The following WDR49 variants were observed in gnomAD, a reference collection of about 807,000 sequenced individuals.
WDR49 encodes WD repeat domain 49.
A neutral mutation model predicts 119.5 loss-of-function variants in WDR49; 107 were observed. That is an observed-to-expected ratio of 0.90 (90% CI 0.77 to 1.05). The LOEUF is 1.05. WDR49 is among the 50% of genes least tolerant of loss of function. The pLI is 0.00. For missense variants in WDR49, 1,240 were observed against 1,220.5 expected, an observed-to-expected ratio of 1.02 and a Z score of -0.24; for synonymous variants, 425 against 418.8, an observed-to-expected ratio of 1.01 and a Z score of -0.18.
At chr3:167,556,020 G>A (rs1712903708) in intron 9 of WDR49, among the ~76,000 whole-genome samples, 1 of 152,128 alleles carries the variant, frequency 6.6e-6, no homozygotes, top group Non-Finnish European at 1.5e-5. Flanking sequence ...TCTAAACATA[G>A]AAAAGGTACA....
chr3:167,536,692 TATATATATATATACAC>T (rs1753042345), intron 11 of WDR49, among the ~76,000 whole-genome samples, 162 bp downstream of exon 11: 2 of 118,098 alleles, frequency 1.7e-5, no homozygotes, highest in South Asian at 5.1e-4. Flanking sequence ...AATACATATA[TATATATATATATACAC>T]ACACATATAT....
Position 167,478,858 on chromosome 3 carries a change from T to G in WDR49, c.*20A>C, listed in dbSNP as rs1750578567. 6.7e-7 allele frequency: 1 copy of G among 1,499,664 alleles called. No homozygotes were observed. Among genetic ancestry groups the G allele is most frequent in the Non-Finnish European group, 9.2e-7 (1 of 1,090,026 alleles). The allele number at this position is 1,499,664 out of a possible 1,614,324, so 92.9% of individuals were successfully genotyped here. A position where few individuals can be genotyped will look rare whatever the true frequency, so the allele number is the denominator to read the frequency against. ...TTTATATCTGTACCTTATGTAACAGTGAAGGTTTTTCTGTTGTAATTACTT... is the reference window on the plus strand; with the variant it reads ...TTTATATCTGTACCTTATGTAACAGGGAAGGTTTTTCTGTTGTAATTACTT... On this transcript the variant is annotated 3_prime_UTR_variant, in exon 19 of 19. Coordinates refer to ENST00000682715, the MANE Select transcript of WDR49 (RefSeq NM_001366157.1).
intron 18 of WDR49, among the ~76,000 whole-genome samples, chr3:167,484,340 A>C (rs1750841945): frequency 6.6e-6 from 1 of 152,096 alleles, no homozygotes; most frequent in Non-Finnish European, 1.5e-5. Context: ...AGATATACCT[A>C]ATGTAAATGA....
intron 16 of WDR49, among the ~76,000 whole-genome samples, chr3:167,516,270 C>T (rs2108225668): frequency 1.6e-5 from 2 of 127,530 alleles, no homozygotes; most frequent in South Asian, 6.0e-4. Flanking sequence ...CCACAACAGG[C>T]CCCAGTGTGT....
At chr3:167,640,739 T>C (rs1394634820) in intron 2 of WDR49, among the ~76,000 whole-genome samples, 3 of 151,866 alleles carry the variant, frequency 2.0e-5, no homozygotes, top group Non-Finnish European at 4.4e-5. Context: ...ATTTGGTATT[T>C]GTTTTTATTG....
chr3:167,512,249 A>C (rs1017981380), intron 16 of WDR49, among the ~76,000 whole-genome samples: 3 of 152,276 alleles, frequency 2.0e-5, no homozygotes, highest in Non-Finnish European at 4.4e-5. Context: ...TCCCAGGGGA[A>C]GGAGCAGGCA....
rs1716875733 is a variant in WDR49, at chr3:167,621,616, C to CCT, written c.632_633dup (p.Val212ArgfsTer22). ...TTGGACAGCAGATCATAGAAACAAA[C>CCT]CTCTTTACTTGTAAAAGCCACTGCT... On this transcript the variant is annotated frameshift_variant, in exon 4 of 19. Transcript: ENST00000682715. LOFTEE classifies it high-confidence loss of function. 1 of 1,533,508 alleles carries CCT rather than the reference C, an allele frequency of 6.5e-7. No homozygotes were observed. The allele number at this position is 1,533,508 out of a possible 1,614,324, so 95.0% of individuals were successfully genotyped here. A position where few individuals can be genotyped will look rare whatever the true frequency, so the allele number is the denominator to read the frequency against.
intron 3 of WDR49, among the ~76,000 whole-genome samples, chr3:167,622,559 C>T (rs895036803): frequency 3.3e-5 from 5 of 151,996 alleles, no homozygotes; most frequent in African/African-American, 7.2e-5. Flanking sequence ...AATACAGCCC[C>T]GTAATACAGA....
intron 2 of WDR49, 36 bp downstream of exon 2, chr3:167,653,225 A>T (rs977228396): frequency 6.7e-5 from 103 of 1,535,016 alleles, no homozygotes; most frequent in Non-Finnish European, 8.6e-5. Context: ...CTTCATGAAC[A>T]ACTCAAACTA....
intron 15 of WDR49, 23 bp from the exon 16 acceptor site, chr3:167,522,507 T>A: frequency 1.9e-6 from 3 of 1,578,094 alleles, no homozygotes; most frequent in Non-Finnish European, 2.6e-6. Context: ...AAAACATCTG[T>A]TTTATTTTTA....
At chr3:167,542,780 A>G (rs1055833157) in intron 10 of WDR49, among the ~76,000 whole-genome samples, 2 of 152,100 alleles carry the variant, frequency 1.3e-5, no homozygotes, top group Non-Finnish European at 2.9e-5. Context: ...GAAAAAATAT[A>G]ACAAGGATCA....
In WDR49 at chr3:167,529,070, CA is replaced by C; in HGVS notation, c.2387del (p.Leu796Ter). 1 of 1,580,826 alleles carries C rather than the reference CA, an allele frequency of 6.3e-7. No individual in the cohort carries two copies. Among genetic ancestry groups the C allele is most frequent in the South Asian group, 1.2e-5 (1 of 84,734 alleles). ...YLTTGDLDGWLKIWNIEEYCL... is the reference protein window; with the variant it reads ...YLTTGDLDGWXKIWNIEEYCL... ...AATTTACCTCTATATTCCAGATTTT[CA>C]ACCATCCATCAAGATCTCCTGTGGT... On this transcript the variant is annotated frameshift_variant, in exon 14 of 19. Coordinates refer to ENST00000682715, the MANE Select transcript of WDR49 (RefSeq NM_001366157.1). LOFTEE classifies it high-confidence loss of function.
chr3:167,643,300 A>G (rs1212126895), intron 2 of WDR49, among the ~76,000 whole-genome samples: 1 of 152,094 alleles, frequency 6.6e-6, no homozygotes, highest in African/African-American at 2.4e-5. Context: ...AGAGGTGGAG[A>G]TAACTACGCA....
At chr3:167,617,658 A>C (rs181606192) in intron 5 of WDR49, among the ~76,000 whole-genome samples, 1 of 152,292 alleles carries the variant, frequency 6.6e-6, no homozygotes, top group East Asian at 1.9e-4. Flanking sequence ...GGAAGAGTCT[A>C]TGCATTGGGC....
At chr3:167,622,030 C>T (rs1265950130) in intron 3 of WDR49, among the ~76,000 whole-genome samples, 1 of 152,112 alleles carries the variant, frequency 6.6e-6, no homozygotes, top group African/African-American at 2.4e-5. Flanking sequence ...TCATGGAAAT[C>T]ATTTGATACA....
At chr3:167,550,580 T>G (rs1196368195) in intron 10 of WDR49, among the ~76,000 whole-genome samples, 2 of 152,096 alleles carry the variant, frequency 1.3e-5, no homozygotes, top group East Asian at 3.9e-4. Flanking sequence ...TATACGGTGA[T>G]GGATATGTTA....
rs141888465 is a variant in WDR49, at chr3:167,594,464, A to G, written c.1275+7663T>C. 2.3e-3 allele frequency among the ~76,000 whole-genome samples: 352 copies of G among 152,306 alleles called. 1 individual carries two copies. The highest frequency in any genetic ancestry group is 7.9e-3 in the African/African-American group (327 of 41,576). On this transcript the variant is annotated intron_variant, in intron 7 of 18. Transcript: ENST00000682715. ...GAACTTGAGAGAGATGATTTAGGGTATCTGGCAGAAGACATTTCAAAGCAG... is the reference window on the plus strand; with the variant it reads ...GAACTTGAGAGAGATGATTTAGGGTGTCTGGCAGAAGACATTTCAAAGCAG...
chr3:167,548,384 T>C (rs1712337726), intron 10 of WDR49, among the ~76,000 whole-genome samples: 1 of 152,002 alleles, frequency 6.6e-6, no homozygotes, highest in Non-Finnish European at 1.5e-5. Context: ...AAAACATCTC[T>C]GCCTACATTT....
At chr3:167,626,436 A>G (rs1717129945) in intron 3 of WDR49, among the ~76,000 whole-genome samples, 2 of 152,024 alleles carry the variant, frequency 1.3e-5, no homozygotes, top group South Asian at 4.1e-4. Flanking sequence ...GTATTGGTAT[A>G]TGAAGATGTT....
Sources: gnomAD v4.1 joint callset for allele counts (sites outside exome capture counted in the v4.1 genomes callset) on GRCh38, gnomAD v4.1.1 for gene constraint, MANE v1.5 for transcripts, NCBI Gene and HGNC (gene_info 2026-07-23, HGNC 2026-07-21) for gene names.